HDAC9: variants seen among roughly 807,000 people sequenced by gnomAD.
The protein encoded by HDAC9 is histone deacetylase 9, also known as MEF-2 interacting transcription repressor (MITR) protein.
A neutral mutation model predicts 139.4 loss-of-function variants in HDAC9; 41 were observed. The observed-to-expected ratio is 0.29, with a 90% CI of 0.23 to 0.38. The LOEUF is 0.38. HDAC9 is among the 10% of genes least tolerant of loss of function. The probability of loss-of-function intolerance (pLI) is 1.00; values close to 1 mark genes in which losing one functional copy is unlikely to be tolerated. For missense variants in HDAC9, 1,147 were observed against 1,297.0 expected, an observed-to-expected ratio of 0.88 and a Z score of 1.78; for synonymous variants, 517 against 476.2, an observed-to-expected ratio of 1.09 and a Z score of -1.12.
chr7:18,219,035 G>A (rs1327873729), intron 2 of HDAC9, among the ~76,000 whole-genome samples: 1 of 152,006 alleles, frequency 6.6e-6, no homozygotes, highest in Non-Finnish European at 1.5e-5. Flanking sequence ...ATAACAAAAT[G>A]ATGCCTAACT....
At chr7:18,888,369 G>C (rs1479834196) in intron 22 of HDAC9, among the ~76,000 whole-genome samples, 2 of 152,214 alleles carry the variant, frequency 1.3e-5, no homozygotes, top group African/African-American at 4.8e-5. Context: ...AGCTTGCAGT[G>C]AGCCGAGAGC....
chr7:18,118,587 A>G (rs2128090653), intron 1 of HDAC9, among the ~76,000 whole-genome samples: 1 of 152,330 alleles, frequency 6.6e-6, no homozygotes, highest in South Asian at 2.1e-4. Context: ...TTAATGATAT[A>G]GTTGCTATTA....
At chr7:18,927,934 G>A (rs1351572568) in intron 22 of HDAC9, among the ~76,000 whole-genome samples, 1 of 152,054 alleles carries the variant, frequency 6.6e-6, no homozygotes, top group African/African-American at 2.4e-5. Flanking sequence ...ATAGTTGGGG[G>A]GAGACTTGTC....
rs146812486 is a variant in HDAC9 at position 18,723,159 on chromosome 7, A to G, written c.1732-4421A>G. Among the ~76,000 whole-genome samples the G allele has an allele frequency of 4.0e-3, 613 of 152,018 alleles. 5 individuals are homozygous for G. Among genetic ancestry groups the G allele is most frequent in the African/African-American group, 0.014 (591 of 41,468 alleles). On this transcript the variant is annotated intron_variant, in intron 12 of 25. Coordinates refer to ENST00000686413, the MANE Select transcript of HDAC9 (RefSeq NM_178425.4). ...CATTTCTTGGTTATTTTGTGTTGTGATTGCTTATAATATGTTTCCTTGTTT... is the reference window on the plus strand; with the variant it reads ...CATTTCTTGGTTATTTTGTGTTGTGGTTGCTTATAATATGTTTCCTTGTTT...
At chr7:18,202,680 A>G (rs1375177040) in intron 2 of HDAC9, among the ~76,000 whole-genome samples, 2 of 152,202 alleles carry the variant, frequency 1.3e-5, no homozygotes, top group African/African-American at 2.4e-5. Flanking sequence ...GATTATTAAG[A>G]TGAATTCTTT....
chr7:18,936,477 A>C (rs1781641590), intron 23 of HDAC9, among the ~76,000 whole-genome samples: 1 of 152,196 alleles, frequency 6.6e-6, no homozygotes, highest in African/African-American at 2.4e-5. Flanking sequence ...CTAAATGGCC[A>C]AAGACCATTA....
chr7:18,423,071 A>C (rs1789795457), intron 1 of HDAC9, among the ~76,000 whole-genome samples: 3 of 152,356 alleles, frequency 2.0e-5, no homozygotes, highest in African/African-American at 7.2e-5. Flanking sequence ...AAAATATAAC[A>C]GGTTTAAACT....
chr7:18,873,607 C>A (rs1166393908), intron 21 of HDAC9, among the ~76,000 whole-genome samples: 2 of 152,124 alleles, frequency 1.3e-5, no homozygotes, highest in Non-Finnish European at 2.9e-5. Context: ...TTATATCTCA[C>A]AACCACACAA....
At chr7:18,570,870 A>T (rs1667557014) in intron 2 of HDAC9, among the ~76,000 whole-genome samples, 1 of 152,200 alleles carries the variant, frequency 6.6e-6, no homozygotes, top group African/African-American at 2.4e-5. Context: ...AATAAGAGAA[A>T]CTCGGGAGAC....
chr7:18,941,784 A>G (rs1782047309), intron 23 of HDAC9, among the ~76,000 whole-genome samples: 1 of 152,156 alleles, frequency 6.6e-6, no homozygotes, highest in South Asian at 2.1e-4. Context: ...TGGGGAAAAT[A>G]TTATTTGAAG....
chr7:18,921,884 A>C (rs1229811432), intron 22 of HDAC9, among the ~76,000 whole-genome samples: 1 of 152,142 alleles, frequency 6.6e-6, no homozygotes, highest in African/African-American at 2.4e-5. Context: ...TGCACTATGG[A>C]ATACTATGCA....
In HDAC9 at chr7:18,404,129, A is replaced by G. The variant is rs144800953; in HGVS notation, c.-41-92133A>G. Among the ~76,000 whole-genome samples, 40 of 152,318 alleles carry G rather than the reference A, an allele frequency of 2.6e-4. No individual in the cohort carries two copies. In the East Asian group the frequency reaches 4.6e-3, roughly 18 times the overall value. On this transcript the variant is annotated intron_variant, in intron 1 of 3. Coordinates refer to the HDAC9 transcript ENST00000413509. ...AAGGATGAGGCAATACGTATCTTCA[A>G]ATTTCTTCTTTGACCACATGTACTT...
chr7:18,667,365 G>C lies in HDAC9; in HGVS notation c.1731+889G>C, dbSNP rs1043114133. 1.1e-5 allele frequency: 11 copies of C among 983,294 alleles called. No homozygotes were observed. In the African/African-American group the frequency reaches 1.6e-4, roughly 14 times the overall value. 60.9% of individuals were successfully genotyped at this position (983,294 alleles called of 1,614,324 possible). A position where few individuals can be genotyped will look rare whatever the true frequency, so the allele number is the denominator to read the frequency against. Reference sequence around the variant, plus strand: ...TATCAAGTCAAAATCAGTTTGAAAAGAAGGTGTATCATATTTTATATTGTC... The same window carrying C: ...TATCAAGTCAAAATCAGTTTGAAAACAAGGTGTATCATATTTTATATTGTC... On this transcript the variant is annotated intron_variant, in intron 12 of 25. Transcript: ENST00000686413.
chr7:18,774,863 G>T (rs1248310377), intron 16 of HDAC9, among the ~76,000 whole-genome samples: 1 of 152,026 alleles, frequency 6.6e-6, no homozygotes, highest in Admixed American at 6.6e-5. Context: ...GGCACAACAG[G>T]TCTAGTTTTC....
chr7:18,790,927 C>T (rs1211692685), intron 16 of HDAC9, among the ~76,000 whole-genome samples: 1 of 152,138 alleles, frequency 6.6e-6, no homozygotes, highest in African/African-American at 2.4e-5. Flanking sequence ...CCCGGCAACT[C>T]ACAGTAGGTA....
chr7:18,694,380 A>T (rs2129099698), intron 12 of HDAC9, among the ~76,000 whole-genome samples: 1 of 152,234 alleles, frequency 6.6e-6, no homozygotes, highest in Non-Finnish European at 1.5e-5. Flanking sequence ...TTCAGCCAAC[A>T]GTCAAGGAGC....
chr7:18,733,228 CAT>C (rs781344043), intron 13 of HDAC9, among the ~76,000 whole-genome samples: 5 of 147,402 alleles, frequency 3.4e-5, no homozygotes, highest in Admixed American at 1.4e-4. Context: ...CGTATATACA[CAT>C]ATATACATGT....
At chr7:18,677,278 G>GA (rs1781578527) in intron 12 of HDAC9, among the ~76,000 whole-genome samples, 1 of 151,788 alleles carries the variant, frequency 6.6e-6, no homozygotes, top group African/African-American at 2.4e-5. Flanking sequence ...TTTTCAATCA[G>GA]AAAATGCTTC....
chr7:18,175,768 A>ACCCC (rs57980430), intron 2 of HDAC9, among the ~76,000 whole-genome samples: 8 of 112,724 alleles, frequency 7.1e-5, no homozygotes, highest in Non-Finnish European at 1.1e-4. Flanking sequence ...ATTATTTTTA[A>ACCCC]CCCCCCCCCC....
Sources: allele counts gnomAD v4.1 joint callset (sites outside exome capture counted in the v4.1 genomes callset), GRCh38; gene constraint gnomAD v4.1.1; transcripts MANE v1.5; gene names NCBI Gene and HGNC (gene_info 2026-07-23, HGNC 2026-07-21).